The following ATAD3B variants were observed in gnomAD, a reference collection of about 807,000 sequenced individuals.
The protein encoded by ATAD3B is ATPase family AAA domain-containing protein 3B.
ATAD3B carries 59 observed loss-of-function variants against 70.2 expected under a neutral mutation model. The observed-to-expected ratio is 0.84, with a 90% CI of 0.68 to 1.04. ATAD3B has a LOEUF of 1.04. Ranked by LOEUF, ATAD3B falls within the 50% of genes least tolerant of loss-of-function variation. ATAD3B has a pLI of 0.00. For missense variants in ATAD3B, 961 were observed against 913.4 expected, an observed-to-expected ratio of 1.05 and a Z score of -0.67; for synonymous variants, 423 against 388.6, an observed-to-expected ratio of 1.09 and a Z score of -1.04.
chr1:1,492,754 A>T (rs1232861746), intron 15 of ATAD3B, among the ~76,000 whole-genome samples: 1 of 151,850 alleles, frequency 6.6e-6, no homozygotes, highest in Non-Finnish European at 1.5e-5. Flanking sequence ...CCTGGACAAC[A>T]TGGTGAAACC....
chr1:1,491,694 T>A (rs1033916796), intron 15 of ATAD3B, among the ~76,000 whole-genome samples: 1 of 151,888 alleles, frequency 6.6e-6, no homozygotes, highest in Non-Finnish European at 1.5e-5. Context: ...AATGAATGAG[T>A]GACAGCTTAA....
chr1:1,485,976 G>T, intron 9 of ATAD3B, 134 bp from the exon 10 acceptor site: 1 of 1,590,360 alleles, frequency 6.3e-7, no homozygotes, highest in Non-Finnish European at 8.6e-7. Context: ...ACTGTGCCGG[G>T]GATAGATAGG....
chr1:1,488,445 T>C (rs1461500932), intron 12 of ATAD3B, among the ~76,000 whole-genome samples: 1 of 151,910 alleles, frequency 6.6e-6, no homozygotes, highest in African/African-American at 2.4e-5. Context: ...CAGGCAGGGC[T>C]CAAACTTCTG....
downstream of ATAD3B, among the ~76,000 whole-genome samples, chr1:1,502,429 T>TGGTCTC: frequency 1.3e-5 from 2 of 150,478 alleles, no homozygotes; most frequent in Non-Finnish European, 3.0e-5. Flanking sequence ...TTAGCCAGGA[T>TGGTCTC]GATCTCCTGA....
chr1:1,487,923 C>T lies in ATAD3B; in HGVS notation c.1266+9C>T. 1 of 1,613,018 alleles carries T rather than the reference C, an allele frequency of 6.2e-7. No individual in the cohort carries two copies. Among genetic ancestry groups the T allele is most frequent in the Non-Finnish European group, 8.5e-7 (1 of 1,179,324 alleles). Reference sequence around the variant, plus strand: ...TTCGGAAGCGAGCCACTGTGAGTGTCACTAAGCCTCTGTCTGGCCACAGGA... The same window carrying T: ...TTCGGAAGCGAGCCACTGTGAGTGTTACTAAGCCTCTGTCTGGCCACAGGA... On this transcript the variant is annotated intron_variant, in intron 12 of 15. Transcript: ENST00000673477.
At chr1:1,501,509 C>T (rs531590293), downstream of ATAD3B, among the ~76,000 whole-genome samples, 1 of 152,254 alleles carries the variant, frequency 6.6e-6, no homozygotes, top group South Asian at 2.1e-4. Flanking sequence ...CCCGCCTCGG[C>T]CTCCCAAAGT....
chr1:1,508,986 A>ATT, the ATAD3B span, among the ~76,000 whole-genome samples: 3,545 of 149,558 alleles, frequency 0.024, 52 homozygotes, highest in African/African-American at 0.056. Context: ...ATTGAGCAAC[A>ATT]GCAGTGCTGA....
rs546644717 is a variant in ATAD3B at position 1,482,067 on chromosome 1, G to A, written c.515-71G>A. The A allele has an allele frequency of 3.4e-5, 52 of 1,551,748 alleles. 2 individuals are homozygous for A. The highest frequency in any genetic ancestry group is 2.4e-4 in the South Asian group (20 of 84,876). ...CGTGGGCCGGTCCGTGGCGTGGGCC[G>A]GTCCACAGTGTGGGTGGAGGTGGAC... On this transcript the variant is annotated intron_variant, in intron 5 of 15. Transcript: ENST00000673477.
chr1:1,484,914 C>T, intron 7 of ATAD3B, 102 bp from the exon 8 acceptor site: 1 of 1,480,844 alleles, frequency 6.8e-7, no homozygotes, highest in Non-Finnish European at 9.0e-7. Context: ...CCCTGTGCTT[C>T]TCCCTCAGGC....
intron 13 of ATAD3B, chr1:1,489,560 G>C: frequency 1.9e-6 from 2 of 1,032,790 alleles, no homozygotes; most frequent in Non-Finnish European, 2.8e-6. Flanking sequence ...GCGGTCCTGT[G>C]CCTGCAAGGG....
chr1:1,497,678 A>AATTTTTTTGTATTTTTAGTAGAG lies in ATAD3B; in HGVS notation c.*1862_*1863insTTTTTTTGTATTTTTAGTAGAGA, dbSNP rs1640834603. ...TCAGGAGTTTGAGACCATCCTGGCTAACGTGGCAAAACCCCGTCTCTACTA... is the reference window on the plus strand; with the variant it reads ...TCAGGAGTTTGAGACCATCCTGGCTAATTTTTTTGTATTTTTAGTAGAGACGTGGCAAAACCCCGTCTCTACTA... On this transcript the variant is annotated 3_prime_UTR_variant, in exon 16 of 16. Transcript: ENST00000673477. 2 of 151,472 alleles carry AATTTTTTTGTATTTTTAGTAGAG rather than the reference A, an allele frequency of 1.3e-5. No individual in the cohort carries two copies. The highest frequency in any genetic ancestry group is 4.9e-5 in the African/African-American group (2 of 41,042). 9.4% of individuals were successfully genotyped at this position (151,472 alleles called of 1,614,324 possible).
intron 15 of ATAD3B, among the ~76,000 whole-genome samples, chr1:1,491,358 C>G (rs1290599834): frequency 1.3e-5 from 2 of 151,944 alleles, no homozygotes; most frequent in Non-Finnish European, 2.9e-5. Flanking sequence ...TGTCGAAACC[C>G]CGTCTCTACT....
At chr1:1,480,522 A>C (rs1474505787) in intron 4 of ATAD3B, among the ~76,000 whole-genome samples, 1 of 147,348 alleles carries the variant, frequency 6.8e-6, no homozygotes, top group Non-Finnish European at 1.5e-5. Context: ...TGTTGTGGGC[A>C]TTGTAGCTTT....
At chr1:1,500,553 CAA>C (rs199521949), downstream of ATAD3B, among the ~76,000 whole-genome samples, 1,055 of 104,944 alleles carry the variant, frequency 0.01, 16 homozygotes, top group African/African-American at 0.032. Context: ...GACTCCGTCT[CAA>C]AAAAAAAAAA....
At chr1:1,501,785 A>G (rs548584256), downstream of ATAD3B, among the ~76,000 whole-genome samples, 104 of 152,286 alleles carry the variant, frequency 6.8e-4, no homozygotes, top group Non-Finnish European at 1.1e-3. Flanking sequence ...TCATCCCGTA[A>G]TGCACTACGG....
At chr1:1,478,160 C>T (rs528101127) in intron 2 of ATAD3B, 15 of 251,044 alleles carry the variant, frequency 6.0e-5, no homozygotes, top group African/African-American at 1.1e-4. Flanking sequence ...CCACATCTGG[C>T]GAATTTTTGT....
chr1:1,491,554 T>C (rs940092814), intron 15 of ATAD3B, among the ~76,000 whole-genome samples: 18 of 151,746 alleles, frequency 1.2e-4, no homozygotes, highest in African/African-American at 4.4e-4. Flanking sequence ...CTTTGGTCTT[T>C]GGGGGTTGCT....
chr1:1,478,629 T>A lies in ATAD3B; in HGVS notation c.283-15T>A, dbSNP rs1639726413. ...CCCTGAGCAAGTGCCAGCTGGTGAG[T>A]GCTGTGCTCTGCAGGAGTATGAGGC... On this transcript the variant is annotated splice_polypyrimidine_tract_variant and intron_variant, in intron 2 of 15. Transcript: ENST00000673477. 6.5e-7 allele frequency: 1 copy of A among 1,548,006 alleles called. No individual in the cohort carries two copies. The highest frequency in any genetic ancestry group is 8.7e-7 in the Non-Finnish European group (1 of 1,145,940).
the ATAD3B span, among the ~76,000 whole-genome samples, chr1:1,504,448 G>A: frequency 1.6e-4 from 25 of 151,930 alleles, no homozygotes; most frequent in African/African-American, 5.3e-4. Context: ...TTGGGAGTTC[G>A]AGACCAGCCT....
Sources: allele counts gnomAD v4.1 joint callset (sites outside exome capture counted in the v4.1 genomes callset), GRCh38; gene constraint gnomAD v4.1.1; transcripts MANE v1.5; gene names NCBI Gene and HGNC (gene_info 2026-07-23, HGNC 2026-07-21).